Variants in CLIC6 observed in about 807,000 individuals in gnomAD.
CLIC6 encodes CLIC family member 6.
CLIC6 carries 39 observed loss-of-function variants against 49.2 expected under a neutral mutation model. That is an observed-to-expected ratio of 0.79 (90% CI 0.61 to 1.04). CLIC6 has a LOEUF of 1.04. CLIC6 is among the 50% of genes least tolerant of loss of function. CLIC6 has a pLI of 0.00. For synonymous variants in CLIC6, 446 were observed against 433.4 expected (o/e 1.03, Z -0.36); for missense variants, 988 against 993.1 (o/e 0.99, Z 0.07).
At chr21:34,677,558 C>G (rs1005296600) in intron 1 of CLIC6, among the ~76,000 whole-genome samples, 21 of 152,224 alleles carry the variant, frequency 1.4e-4, no homozygotes, top group African/African-American at 5.1e-4. Context: ...CAGATTAGTT[C>G]CTTGTGTTCT....
chr21:34,713,146 G>T (rs1055120664), intron 5 of CLIC6, among the ~76,000 whole-genome samples: 1 of 152,146 alleles, frequency 6.6e-6, no homozygotes, highest in Non-Finnish European at 1.5e-5. Flanking sequence ...GAAAAGAAGG[G>T]GGTGGGGGGA....
intron 1 of CLIC6, among the ~76,000 whole-genome samples, chr21:34,705,456 T>C (rs1266049749): frequency 2.0e-5 from 3 of 152,170 alleles, no homozygotes; most frequent in Non-Finnish European, 4.4e-5. Context: ...CTGCCGGGAC[T>C]TGTTGTGACC....
intron 1 of CLIC6, among the ~76,000 whole-genome samples, chr21:34,682,801 ATTTTTTTTTTTTT>A (rs1172251761): frequency 5.8e-5 from 4 of 69,272 alleles, no homozygotes; most frequent in Non-Finnish European, 7.2e-5. Flanking sequence ...CTTTCCCTCC[ATTTTTTTTTTTTT>A]TTTTTTTTTT....
At chr21:34,712,403 T>G (rs935749315) in intron 5 of CLIC6, among the ~76,000 whole-genome samples, 6 of 152,140 alleles carry the variant, frequency 3.9e-5, no homozygotes, top group African/African-American at 1.4e-4. Context: ...CTTCTTTCAG[T>G]GGGAGGAGCC....
chr21:34,712,318 A>T (rs1211681596), intron 5 of CLIC6, among the ~76,000 whole-genome samples: 1 of 152,232 alleles, frequency 6.6e-6, no homozygotes, highest in Non-Finnish European at 1.5e-5. Flanking sequence ...AAACAATATC[A>T]AAATAGGGTA....
intron 1 of CLIC6, among the ~76,000 whole-genome samples, chr21:34,677,530 C>T (rs994028628): frequency 6.6e-6 from 1 of 152,180 alleles, no homozygotes; most frequent in Non-Finnish European, 1.5e-5. Flanking sequence ...AAGCATCTTA[C>T]CCATGTCATC....
At chr21:34,698,495 G>A (rs1050288093) in intron 1 of CLIC6, among the ~76,000 whole-genome samples, 1 of 151,784 alleles carries the variant, frequency 6.6e-6, no homozygotes, top group Non-Finnish European at 1.5e-5. Flanking sequence ...AGGGAGGAAG[G>A]AAGGAAAGAG....
At chr21:34,698,167 C>T (rs1422806524) in intron 1 of CLIC6, among the ~76,000 whole-genome samples, 1 of 152,236 alleles carries the variant, frequency 6.6e-6, no homozygotes, top group Non-Finnish European at 1.5e-5. Flanking sequence ...TGGTCATGTG[C>T]TCCATGATGT....
intron 1 of CLIC6, among the ~76,000 whole-genome samples, chr21:34,700,074 T>G (rs1990159091): frequency 6.6e-6 from 1 of 152,158 alleles, no homozygotes; most frequent in Admixed American, 6.5e-5. Flanking sequence ...GCCGCCATGT[T>G]GAACATACCT....
chr21:34,712,545 A>G (rs1209229000), intron 5 of CLIC6, among the ~76,000 whole-genome samples: 1 of 152,124 alleles, frequency 6.6e-6, no homozygotes, highest in Non-Finnish European at 1.5e-5. Flanking sequence ...GCCAGGAGGG[A>G]ATCACAGAAC....
chr21:34,681,023 C>T (rs1164729145), intron 1 of CLIC6, among the ~76,000 whole-genome samples: 3 of 152,246 alleles, frequency 2.0e-5, no homozygotes, highest in African/African-American at 7.2e-5. Context: ...GCATCCCACT[C>T]TCTTCAGTAC....
At chr21:34,677,322 C>T (rs1568957704) in intron 1 of CLIC6, among the ~76,000 whole-genome samples, 2 of 152,194 alleles carry the variant, frequency 1.3e-5, no homozygotes. Context: ...GGCAAATGGG[C>T]TAACAATTTG....
At chr21:34,699,193 T>A (rs1415106140) in intron 1 of CLIC6, among the ~76,000 whole-genome samples, 1 of 152,212 alleles carries the variant, frequency 6.6e-6, no homozygotes, top group Non-Finnish European at 1.5e-5. Context: ...ACAAATGATT[T>A]AGAACCTTAC....
At chr21:34,696,319 T>C (rs535575432) in intron 1 of CLIC6, among the ~76,000 whole-genome samples, 2 of 152,238 alleles carry the variant, frequency 1.3e-5, no homozygotes, top group African/African-American at 4.8e-5. Flanking sequence ...AACCACTGTT[T>C]GTACTTTGCA....
At chr21:34,697,413 C>T (rs1026951030) in intron 1 of CLIC6, among the ~76,000 whole-genome samples, 7 of 151,998 alleles carry the variant, frequency 4.6e-5, no homozygotes, top group African/African-American at 9.7e-5. Context: ...CTGGTCCCTT[C>T]CCCTCCCCTC....
At chr21:34,712,248 T>C (rs1007732750) in intron 5 of CLIC6, among the ~76,000 whole-genome samples, 1 of 152,194 alleles carries the variant, frequency 6.6e-6, no homozygotes, top group Admixed American at 6.5e-5. Context: ...AAGGGAATTA[T>C]GGTAAAAGAT....
At chr21:34,691,459 A>G (rs2834584) in intron 1 of CLIC6, among the ~76,000 whole-genome samples, 7,994 of 152,124 alleles carry the variant, frequency 0.053, 705 homozygotes, top group African/African-American at 0.18. Flanking sequence ...GCTTTCACCA[A>G]TGCAAAATGT....
chr21:34,701,659 C>T (rs1468530768), intron 1 of CLIC6, among the ~76,000 whole-genome samples: 1 of 152,172 alleles, frequency 6.6e-6, no homozygotes, highest in Non-Finnish European at 1.5e-5. Flanking sequence ...GTTCCAACAG[C>T]TCTCCCTGGC....
rs983381427 is a variant in CLIC6 at position 34,699,310 on chromosome 21, G to A, written c.1375-7970G>A. ...TCTGACACCCAGGCTGGAGTGCAGT[G>A]GGGAAATCTCAGCTCACTGTAGCTT... On this transcript the variant is annotated intron_variant, in intron 1 of 5. Transcript: ENST00000349499. 4.6e-5 allele frequency among the ~76,000 whole-genome samples: 7 copies of A among 152,064 alleles called. 1 individual carries two copies. Among genetic ancestry groups the A allele is most frequent in the Non-Finnish European group, 8.8e-5 (6 of 68,028 alleles).
Sources: gnomAD v4.1 joint callset for allele counts (sites outside exome capture counted in the v4.1 genomes callset) on GRCh38, gnomAD v4.1.1 for gene constraint, MANE v1.5 for transcripts, NCBI Gene and HGNC (gene_info 2026-07-23, HGNC 2026-07-21) for gene names.